The following CMSS1 variants were observed in gnomAD, a reference collection of about 807,000 sequenced individuals.
The protein encoded by CMSS1 is protein CMSS1.
CMSS1 carries 33 observed loss-of-function variants against 43.5 expected under a neutral mutation model. The ratio of observed to expected loss-of-function variants is 0.76; its 90% CI spans 0.57 to 1.01. The LOEUF is 1.01. CMSS1 is among the 50% of genes least tolerant of loss of function. CMSS1 has a pLI of 0.00. For synonymous variants in CMSS1, 115 were observed against 117.2 expected (o/e 0.98, Z 0.12); for missense variants, 313 against 326.4 (o/e 0.96, Z 0.32).
chr3:100,057,411 A>G (rs2065483194), intron 1 of CMSS1, among the ~76,000 whole-genome samples: 1 of 152,224 alleles, frequency 6.6e-6, no homozygotes, highest in African/African-American at 2.4e-5. Flanking sequence ...AAAAGCCCAG[A>G]CCTTTCAAGC....
intron 1 of CMSS1, among the ~76,000 whole-genome samples, chr3:99,860,564 G>A (rs1362805035): frequency 6.6e-6 from 1 of 152,182 alleles, no homozygotes; most frequent in Non-Finnish European, 1.5e-5. Context: ...GGGTCCACAG[G>A]CACAGAACTT....
At chr3:100,132,688 G>A (rs978269231) in intron 1 of CMSS1, among the ~76,000 whole-genome samples, 15 of 151,090 alleles carry the variant, frequency 9.9e-5, no homozygotes, top group South Asian at 4.2e-4. Context: ...GCATGGTGGC[G>A]GGCGCCTATA....
chr3:99,895,886 G>A (rs571568290), intron 1 of CMSS1, among the ~76,000 whole-genome samples: 26 of 152,308 alleles, frequency 1.7e-4, no homozygotes, highest in African/African-American at 5.3e-4. Context: ...AAACAATGTT[G>A]ATGTTTGGTC....
intron 1 of CMSS1, among the ~76,000 whole-genome samples, chr3:100,042,224 G>T (rs2065216905): frequency 1.3e-5 from 2 of 152,266 alleles, no homozygotes; most frequent in South Asian, 4.1e-4. Flanking sequence ...AAGCCCACAA[G>T]CTTGTAAGAT....
At chr3:100,053,002 G>A (rs2065399528) in intron 1 of CMSS1, among the ~76,000 whole-genome samples, 1 of 152,078 alleles carries the variant, frequency 6.6e-6, no homozygotes, top group Admixed American at 6.5e-5. Context: ...CTGTGGAGTT[G>A]TTCGCCTGCT....
At chr3:99,892,166 G>A (rs1379725130) in intron 1 of CMSS1, among the ~76,000 whole-genome samples, 3 of 152,140 alleles carry the variant, frequency 2.0e-5, no homozygotes, top group Admixed American at 6.5e-5. Context: ...GTTCTTATGT[G>A]AATGATGCCA....
rs1276166469 is a variant in CMSS1 at position 100,109,536 on chromosome 3, T to A, written c.65-37437T>A. Reference sequence around the variant, plus strand: ...ACTGATGTGTTTTCTGTCCCTATAGTTTTTGGGGGTTTTTTCCCACAATGT... The same window carrying A: ...ACTGATGTGTTTTCTGTCCCTATAGATTTTGGGGGTTTTTTCCCACAATGT... On this transcript the variant is annotated intron_variant, in intron 1 of 9. Coordinates refer to ENST00000421999, the MANE Select transcript of CMSS1 (RefSeq NM_032359.4). Among the ~76,000 whole-genome samples the A allele has an allele frequency of 2.0e-5, 3 of 152,034 alleles. No homozygotes were observed. In the East Asian group the frequency reaches 5.8e-4, roughly 29 times the overall value.
chr3:99,925,965 T>A (rs1707281184), intron 1 of CMSS1: 5 of 757,764 alleles, frequency 6.6e-6, no homozygotes, highest in Non-Finnish European at 8.0e-6. Flanking sequence ...TTGCTAGTGA[T>A]AAATTAATAT....
chr3:100,148,382 T>TG (rs1430425848), intron 2 of CMSS1, among the ~76,000 whole-genome samples: 1 of 152,224 alleles, frequency 6.6e-6, no homozygotes, highest in Non-Finnish European at 1.5e-5. Flanking sequence ...GCCTGGCTTA[T>TG]GTGTGATCTT....
chr3:100,076,557 C>T (rs953330985), intron 1 of CMSS1, among the ~76,000 whole-genome samples: 5 of 152,266 alleles, frequency 3.3e-5, no homozygotes, highest in South Asian at 2.1e-4. Flanking sequence ...GACATGCTTT[C>T]GAGGTTTCAT....
chr3:100,061,370 C>T (rs1206967948), intron 1 of CMSS1, among the ~76,000 whole-genome samples: 1 of 152,180 alleles, frequency 6.6e-6, no homozygotes, highest in Non-Finnish European at 1.5e-5. Flanking sequence ...GGACCCTGCA[C>T]AGTTTTGCTT....
At chr3:100,030,714 A>G (rs952376332) in intron 1 of CMSS1, among the ~76,000 whole-genome samples, 2 of 152,174 alleles carry the variant, frequency 1.3e-5, no homozygotes, top group East Asian at 1.9e-4. Context: ...TTCCTCTACC[A>G]TATAAACACA....
intron 1 of CMSS1, among the ~76,000 whole-genome samples, chr3:99,842,419 G>C (rs1288286777): frequency 2.0e-5 from 3 of 150,468 alleles, no homozygotes; most frequent in Non-Finnish European, 4.4e-5. Context: ...CAGAATCTCA[G>C]AAGTCAGCAC....
chr3:100,043,530 C>G (rs1034464635), intron 1 of CMSS1, among the ~76,000 whole-genome samples: 18 of 152,112 alleles, frequency 1.2e-4, no homozygotes, highest in African/African-American at 4.1e-4. Context: ...GAGACAGGCT[C>G]CACCCCATCC....
chr3:100,174,839 T>A (rs1267552205), intron 8 of CMSS1, among the ~76,000 whole-genome samples: 2 of 152,228 alleles, frequency 1.3e-5, no homozygotes, highest in Non-Finnish European at 2.9e-5. Context: ...ATTTTCTGAC[T>A]ATAGGAGCCT....
intron 1 of CMSS1, among the ~76,000 whole-genome samples, chr3:99,928,945 G>A (rs1283982095): frequency 6.6e-6 from 1 of 152,194 alleles, no homozygotes; most frequent in Non-Finnish European, 1.5e-5. Flanking sequence ...TATTTGGCAA[G>A]ACAGTAGTCT....
intron 1 of CMSS1, among the ~76,000 whole-genome samples, chr3:99,874,120 A>C (rs1437840133): frequency 6.6e-6 from 1 of 152,172 alleles, no homozygotes; most frequent in Admixed American, 6.5e-5. Context: ...AAATGGGAAA[A>C]AGTGTGGAAT....
intron 1 of CMSS1, among the ~76,000 whole-genome samples, chr3:99,842,704 AAAG>A (rs998101832): frequency 1.2e-4 from 18 of 152,328 alleles, no homozygotes; most frequent in African/African-American, 4.1e-4. Flanking sequence ...GCCACAAATA[AAAG>A]TGATTATCCC....
intron 1 of CMSS1, among the ~76,000 whole-genome samples, chr3:99,821,326 C>T (rs1206528389): frequency 6.6e-6 from 1 of 152,158 alleles, no homozygotes; most frequent in Non-Finnish European, 1.5e-5. Context: ...CCAATCTAGA[C>T]ACTTTTGTGA....
Sources: gnomAD v4.1 joint callset for allele counts (sites outside exome capture counted in the v4.1 genomes callset) on GRCh38, gnomAD v4.1.1 for gene constraint, MANE v1.5 for transcripts, NCBI Gene and HGNC (gene_info 2026-07-23, HGNC 2026-07-21) for gene names.